The following SSB variants were observed in gnomAD, a reference collection of about 807,000 sequenced individuals.
SSB encodes lupus La protein.
In SSB, 17 loss-of-function variants were observed where a neutral mutation model predicts 52.9. That is an observed-to-expected ratio of 0.32 (90% CI 0.22 to 0.48). The LOEUF (loss-of-function observed/expected upper bound fraction) is 0.48. Ranked by LOEUF, SSB falls within the 20% of genes least tolerant of loss-of-function variation. The pLI is 0.99. For synonymous variants in SSB, 111 were observed against 152.1 expected (o/e 0.73, Z 1.99); for missense variants, 314 against 463.6 (o/e 0.68, Z 2.96).
chr2:169,802,550 C>T (rs1276949882), intron 2 of SSB, among the ~76,000 whole-genome samples: 1 of 151,860 alleles, frequency 6.6e-6, no homozygotes, highest in Non-Finnish European at 1.5e-5. Flanking sequence ...TAGAACAATA[C>T]TAAGATGTAT....
rs1558974382 is a variant in SSB at position 169,811,996 on chromosome 2, C to G, written c.*240C>G. 1.6e-5 allele frequency: 16 copies of G among 978,032 alleles called. 1 individual carries two copies. Among genetic ancestry groups the G allele is most frequent in the South Asian group, 3.3e-5 (2 of 61,156 alleles). The allele number at this position is 978,032 out of a possible 1,614,324, so 60.6% of individuals were successfully genotyped here. A position where few individuals can be genotyped will look rare whatever the true frequency, so the allele number is the denominator to read the frequency against. On this transcript the variant is annotated 3_prime_UTR_variant, in exon 12 of 12. Transcript: ENST00000260956. ...AAGGAAGATTCTTCCATTAAATTGC[C>G]TTTGTAATATGAGAATGTATTAGTA...
chr2:169,811,463 G>T, intron 11 of SSB, 140 bp downstream of exon 11: 1 of 1,288,810 alleles, frequency 7.8e-7, no homozygotes. Flanking sequence ...GATTTACCTC[G>T]GTTATGCTGT....
At chr2:169,809,000 GCTAT>G (rs1689888179) in intron 8 of SSB, 98 bp downstream of exon 8, 1 of 949,924 alleles carries the variant, frequency 1.1e-6, no homozygotes, top group Non-Finnish European at 1.7e-6. Context: ...CGTAAGCAAA[GCTAT>G]CTATAGTTGT....
chr2:169,805,909 C>A, intron 4 of SSB, 70 bp downstream of exon 4: 1 of 1,396,002 alleles, frequency 7.2e-7, no homozygotes, highest in South Asian at 1.3e-5. Context: ...AGAATAAGGG[C>A]TCAGGAATCA....
In SSB at chr2:169,810,985, A is replaced by C. The variant is rs777853278; in HGVS notation, c.938A>C (p.Glu313Ala). The part of the protein sequence containing the change: ...WEVLEGEVEK[E>A]ALKKIIEDQQ... Reference sequence around the variant, plus strand: ...GTACTAGAAGGAGAGGTGGAAAAAGAAGCACTGAAGAAAATAATAGAAGAC... The same window carrying C: ...GTACTAGAAGGAGAGGTGGAAAAAGCAGCACTGAAGAAAATAATAGAAGAC... Residue 313 changes from glutamate to alanine, a missense_variant, in exon 10 of 12, where the codon GAA (glutamate) becomes GCA (alanine). Physicochemically the swap from Glu to Ala is moderately radical, Grantham distance 107. Coordinates refer to ENST00000260956, the MANE Select transcript of SSB (RefSeq NM_003142.5). 1.8e-5 allele frequency: 29 copies of C among 1,613,214 alleles called. No individual in the cohort carries two copies. The highest frequency in any genetic ancestry group is 4.5e-5 in the East Asian group (2 of 44,862).
chr2:169,800,404 G>A (rs954834340), intron 1 of SSB, among the ~76,000 whole-genome samples: 1 of 152,040 alleles, frequency 6.6e-6, no homozygotes, highest in South Asian at 2.1e-4. Flanking sequence ...AGCCGTGGTG[G>A]TGGGCGCCTG....
Position 169,807,028 on chromosome 2 carries a change from C to T in SSB, c.511C>T (p.Pro171Ser), listed in dbSNP as rs186344908. ...IESAKKFVET[P>S]GQKYKETDLL... ...ATCTGCTAAGAAATTTGTAGAGACC[C>T]CTGGCCAGAAGTACAAAGAAACAGA... Residue 171 changes from proline to serine, a missense_variant, in exon 6 of 12, where the codon CCT becomes TCT. Pro to Ser is a moderately conservative substitution (Grantham distance 74). Transcript: ENST00000260956. 59 of 1,613,892 alleles carry T rather than the reference C, an allele frequency of 3.7e-5. 1 individual carries two copies. The East Asian group carries it at 1.3e-3, about 36-fold the overall frequency.
chr2:169,804,240 C>CTTTTTTTTTTTTTTTTTTTT (rs11447613), intron 2 of SSB, among the ~76,000 whole-genome samples: 1 of 95,342 alleles, frequency 1.0e-5, no homozygotes, highest in Non-Finnish European at 1.9e-5. Context: ...TTTACTTTAA[C>CTTTTTTTTTTTTTTTTTTTT]TTTTTTTTTT....
At position 169,801,160 on chromosome 2, in the gene SSB, A is replaced by G. The variant is rs187187942; in HGVS notation, c.66+134A>G. 4.6e-3 allele frequency: 2,771 copies of G among 604,308 alleles called. 12 individuals are homozygous for G. The highest frequency in any genetic ancestry group is 5.8e-3 in the Non-Finnish European group (2,162 of 375,290). 37.4% of individuals were successfully genotyped at this position (604,308 alleles called of 1,614,324 possible). A position where few individuals can be genotyped will look rare whatever the true frequency, so the allele number is the denominator to read the frequency against. On this transcript the variant is annotated intron_variant, in intron 2 of 11. Transcript: ENST00000260956. ...TTCTTAGATGAACATATAATAGCAT[A>G]CAGTTTTATATTGGTGGAGCCAGGT...
At chr2:169,800,391 C>G (rs999076446) in intron 1 of SSB, among the ~76,000 whole-genome samples, 3 of 151,832 alleles carry the variant, frequency 2.0e-5, no homozygotes, top group Admixed American at 2.0e-4. Flanking sequence ...ATTAGTCAGC[C>G]GCAGCCGTGG....
At chr2:169,801,696 G>C (rs930697434) in intron 2 of SSB, among the ~76,000 whole-genome samples, 2 of 151,560 alleles carry the variant, frequency 1.3e-5, no homozygotes, top group Non-Finnish European at 2.9e-5. Context: ...ACCACACCTG[G>C]CTAATTTTTG....
chr2:169,804,769 C>T (rs1159596040), intron 2 of SSB, among the ~76,000 whole-genome samples: 1 of 152,034 alleles, frequency 6.6e-6, no homozygotes, highest in Non-Finnish European at 1.5e-5. Flanking sequence ...TGGTCTCAAT[C>T]TCTTGACCTC....
At chr2:169,809,806 C>T (rs761842511) in intron 8 of SSB, among the ~76,000 whole-genome samples, 9 of 151,682 alleles carry the variant, frequency 5.9e-5, no homozygotes, top group South Asian at 2.1e-4. Context: ...TTAGCAGAGA[C>T]GGGGTTTCAC....
intron 8 of SSB, among the ~76,000 whole-genome samples, chr2:169,809,263 C>T (rs1689895260): frequency 1.3e-5 from 2 of 152,288 alleles, no homozygotes; most frequent in Admixed American, 1.3e-4. Context: ...TGCCTGTAAT[C>T]CCAGCTATGT....
At chr2:169,805,629 A>C (rs1264632157) in intron 3 of SSB, 36 bp from the exon 4 acceptor site, 1 of 1,611,724 alleles carries the variant, frequency 6.2e-7, no homozygotes, top group African/African-American at 1.3e-5. Flanking sequence ...AATGAGTGCT[A>C]CTGCTGAGTC....
In SSB at chr2:169,811,328, GTTTTT is replaced by G. The variant is rs757688549; in HGVS notation, c.1138+9_1138+13del. ...ATGATGAAAATGGTGCAACTGGTAA[GTTTTT>G]TTTAAGTCCTTTGGTAGTTTCATGA... On this transcript the variant is annotated splice_donor_region_variant and intron_variant, in intron 11 of 11. Coordinates refer to ENST00000260956, the MANE Select transcript of SSB (RefSeq NM_003142.5). 4 of 1,563,458 alleles carry G rather than the reference GTTTTT, an allele frequency of 2.6e-6. No homozygotes were observed. The highest frequency in any genetic ancestry group is 2.8e-5 in the African/African-American group (2 of 71,638).
rs750898199 is a variant in SSB, at chr2:169,811,805, T to A, written c.*49T>A. 9.9e-6 allele frequency: 16 copies of A among 1,613,738 alleles called. No homozygotes were observed. The highest frequency in any genetic ancestry group is 1.3e-5 in the Non-Finnish European group (15 of 1,179,800). Reference sequence around the variant, plus strand: ...ATTTTAAATAGGTTTTAAACGACTTTTGTTTGCGGGGCTTTTAAAAGGAAA... The same window carrying A: ...ATTTTAAATAGGTTTTAAACGACTTATGTTTGCGGGGCTTTTAAAAGGAAA... On this transcript the variant is annotated 3_prime_UTR_variant, in exon 12 of 12. Transcript: ENST00000260956.
At chr2:169,810,812 G>T in intron 9 of SSB, 46 bp from the exon 10 acceptor site, 1 of 1,539,490 alleles carries the variant, frequency 6.5e-7, no homozygotes, top group South Asian at 1.2e-5. Context: ...TTAATTGTGG[G>T]ACTAAAAACC....
chr2:169,808,698 G>C, intron 7 of SSB, 145 bp downstream of exon 7: 1 of 996,120 alleles, frequency 1.0e-6, no homozygotes, highest in Non-Finnish European at 1.5e-6. Flanking sequence ...GACAATCTCA[G>C]GGCCAAATTG....
Sources: allele counts gnomAD v4.1 joint callset (sites outside exome capture counted in the v4.1 genomes callset), GRCh38; gene constraint gnomAD v4.1.1; transcripts MANE v1.5; gene names NCBI Gene and HGNC (gene_info 2026-07-23, HGNC 2026-07-21).